MON2: variants seen among roughly 807,000 people sequenced by gnomAD.
The protein encoded by MON2 is protein MON2 homolog.
MON2 carries 84 observed loss-of-function variants against 208.6 expected under a neutral mutation model. That is an observed-to-expected ratio of 0.40 (90% CI 0.34 to 0.48). The LOEUF (loss-of-function observed/expected upper bound fraction) is 0.48. Among genes scored for constraint, MON2 ranks in the 20% least tolerant of loss-of-function variants. The pLI, the probability that MON2 is intolerant of heterozygous loss-of-function variation, is 0.59. For missense variants in MON2, 1,611 were observed against 2,015.4 expected (o/e 0.80, Z 3.84); for synonymous variants, 660 against 694.0 (o/e 0.95, Z 0.77).
intron 8 of MON2, among the ~76,000 whole-genome samples, chr12:62,522,552 C>T (rs541483517): frequency 3.9e-5 from 6 of 152,302 alleles, no homozygotes; most frequent in African/African-American, 1.4e-4. Context: ...AGATAATAAT[C>T]TACTACCAAA....
rs151054514 is a variant in MON2 at position 62,544,905 on chromosome 12, A to G, written c.2474A>G (p.Gln825Arg). The change falls in exon 21 of 35, where the codon CAG becomes CGG. Residue 825 changes from glutamine to arginine, a missense_variant. By Grantham distance (43) the Gln-to-Arg change is conservative. Transcript: ENST00000393630. ...AATTTTATATACCTTCAGGTCTGCC[A>G]GCATCCAAACTCTCGAATGAGAGAA... The part of the protein sequence containing the change: ...PLTGHLLEVC[Q>R]HPNSRMREWG... 20 of 1,606,460 alleles carry G rather than the reference A, an allele frequency of 1.2e-5. No homozygotes were observed. The African/African-American group carries it at 2.4e-4, about 19-fold the overall frequency.
At chr12:62,473,019 A>G (rs1209702439) in intron 1 of MON2, among the ~76,000 whole-genome samples, 1 of 152,248 alleles carries the variant, frequency 6.6e-6, no homozygotes, top group East Asian at 1.9e-4. Context: ...CCTTTATGTA[A>G]GCATAGCTGA....
chr12:62,518,224 A>G (rs1010468932), intron 8 of MON2, among the ~76,000 whole-genome samples: 2 of 152,196 alleles, frequency 1.3e-5, no homozygotes, highest in Non-Finnish European at 2.9e-5. Context: ...GAAAGACTCC[A>G]CCTTCAAATA....
Position 62,525,092 on chromosome 12 carries a change from G to A in MON2, c.1118G>A (p.Cys373Tyr). 6.2e-7 allele frequency: 1 copy of A among 1,608,140 alleles called. No individual in the cohort carries two copies. Among genetic ancestry groups the A allele is most frequent in the Non-Finnish European group, 8.5e-7 (1 of 1,175,912 alleles). Reference sequence around the variant, plus strand: ...TTTAAATTATTTTACAGGTCATTTTGTCAGTCCTATGATATGAAACAGCAT... The same window carrying A: ...TTTAAATTATTTTACAGGTCATTTTATCAGTCCTATGATATGAAACAGCAT... ...CVQPQLLRSF[C>Y]QSYDMKQHST... is the part of the protein sequence containing the mutation. The change falls in exon 10 of 35, where the codon TGT (cysteine) becomes TAT (tyrosine). Residue 373 changes from cysteine to tyrosine, a missense_variant. Coordinates refer to ENST00000393630, the MANE Select transcript of MON2 (RefSeq NM_015026.3).
chr12:62,581,176 A>G (rs1205181087), intron 32 of MON2, among the ~76,000 whole-genome samples: 1 of 152,204 alleles, frequency 6.6e-6, no homozygotes, highest in East Asian at 1.9e-4. Context: ...TGCTGCCTTA[A>G]TTGGGAACTG....
At chr12:62,508,244 T>A (rs777815730) in intron 7 of MON2, 42 bp from the exon 8 acceptor site, 17 of 1,506,774 alleles carry the variant, frequency 1.1e-5, no homozygotes, top group Non-Finnish European at 1.5e-5. Context: ...TAAGTACAAA[T>A]AAAGTTAATT....
intron 7 of MON2, among the ~76,000 whole-genome samples, chr12:62,506,546 T>G (rs2071107640): frequency 6.6e-6 from 1 of 151,982 alleles, no homozygotes; most frequent in Non-Finnish European, 1.5e-5. Flanking sequence ...CCCAACATGG[T>G]GAAACCCCGT....
chr12:62,538,372 A>G (rs1268271939), intron 18 of MON2, 43 bp from the exon 19 acceptor site: 2 of 1,586,812 alleles, frequency 1.3e-6, no homozygotes, highest in African/African-American at 1.3e-5. Flanking sequence ...TATTTGTTAT[A>G]TATTTTAGAT....
chr12:62,494,189 C>G (rs756776920), intron 3 of MON2, 147 bp downstream of exon 3: 6 of 660,926 alleles, frequency 9.1e-6, no homozygotes, highest in Non-Finnish European at 1.2e-5. Flanking sequence ...AAAATATTGC[C>G]AAATTTTCTC....
chr12:62,585,682 T>C (rs746886786), intron 33 of MON2, 181 bp downstream of exon 33: 2 of 495,784 alleles, frequency 4.0e-6, no homozygotes, highest in Middle Eastern at 5.7e-4. Context: ...TATTAACATG[T>C]TTTGTTATGG....
At chr12:62,552,770 A>C in intron 23 of MON2, 111 bp from the exon 24 acceptor site, 4 of 731,908 alleles carry the variant, frequency 5.5e-6, no homozygotes, top group Non-Finnish European at 8.9e-6. Context: ...AGATTTTTGA[A>C]GTAATGTTTT....
chr12:62,469,904 T>TTATG (rs2068705410), intron 1 of MON2, among the ~76,000 whole-genome samples: 1 of 31,956 alleles, frequency 3.1e-5, no homozygotes, highest in South Asian at 5.5e-4. Flanking sequence ...ATTTATTTAT[T>TTATG]TATTTATTTA....
chr12:62,523,448 A>G (rs1238582467), intron 8 of MON2, among the ~76,000 whole-genome samples: 1 of 152,188 alleles, frequency 6.6e-6, no homozygotes, highest in Non-Finnish European at 1.5e-5. Flanking sequence ...AAGCTTTATC[A>G]TGTTTAGGAC....
intron 1 of MON2, among the ~76,000 whole-genome samples, chr12:62,467,867 G>A (rs576619499): frequency 6.6e-6 from 1 of 152,194 alleles, no homozygotes; most frequent in South Asian, 2.1e-4. Context: ...GTTATGAGCA[G>A]TACTGTAGTG....
At chr12:62,533,463 C>T (rs1266907512) in intron 12 of MON2, among the ~76,000 whole-genome samples, 1 of 149,954 alleles carries the variant, frequency 6.7e-6, no homozygotes, top group African/African-American at 2.5e-5. Context: ...CTATTTTATT[C>T]AGAGGATTAT....
At chr12:62,516,891 A>C (rs906409308) in intron 8 of MON2, among the ~76,000 whole-genome samples, 1 of 152,206 alleles carries the variant, frequency 6.6e-6, no homozygotes, top group Non-Finnish European at 1.5e-5. Flanking sequence ...ATTAAAAAAA[A>C]ATATTTTTAA....
At chr12:62,570,722 C>CTT (rs1192680038) in intron 29 of MON2, among the ~76,000 whole-genome samples, 1,276 of 70,934 alleles carry the variant, frequency 0.018, 141 homozygotes, top group Non-Finnish European at 0.02. Context: ...TTTTCTTTTT[C>CTT]TTTTTTTTTT....
intron 25 of MON2, chr12:62,560,091 C>T (rs749619523): frequency 2.3e-4 from 33 of 144,150 alleles, no homozygotes; most frequent in Non-Finnish European, 2.6e-4. Flanking sequence ...TGTATAAGTA[C>T]ATACATATTT....
intron 8 of MON2, among the ~76,000 whole-genome samples, chr12:62,509,647 A>G (rs1165583473): frequency 6.6e-6 from 1 of 152,236 alleles, no homozygotes; most frequent in Non-Finnish European, 1.5e-5. Context: ...ATGTTAAGCC[A>G]TAAAACAAGT....
Sources: allele counts gnomAD v4.1 joint callset (sites outside exome capture counted in the v4.1 genomes callset), GRCh38; gene constraint gnomAD v4.1.1; transcripts MANE v1.5; gene names NCBI Gene and HGNC (gene_info 2026-07-23, HGNC 2026-07-21).